The following CNTNAP2 variants were observed in gnomAD, a reference collection of about 807,000 sequenced individuals.
CNTNAP2 encodes the protein contactin associated protein 2.
In CNTNAP2, 98 loss-of-function variants were observed where a neutral mutation model predicts 155.2. The ratio of observed to expected loss-of-function variants is 0.63; its 90% CI spans 0.54 to 0.75. CNTNAP2 has a LOEUF of 0.75. Ranked by LOEUF, CNTNAP2 falls within the 30% of genes least tolerant of loss-of-function variation. The pLI is 0.00. For missense variants in CNTNAP2, 1,727 were observed against 1,688.1 expected, an observed-to-expected ratio of 1.02 and a Z score of -0.40; for synonymous variants, 651 against 631.2, an observed-to-expected ratio of 1.03 and a Z score of -0.47.
intron 3 of CNTNAP2, among the ~76,000 whole-genome samples, chr7:146,859,033 A>G (rs1795046408): frequency 1.3e-5 from 2 of 152,212 alleles, no homozygotes; most frequent in Admixed American, 6.5e-5. Flanking sequence ...TGCTGACACT[A>G]TATGTTGACT....
chr7:146,836,895 C>CTT (rs202139954), intron 2 of CNTNAP2, among the ~76,000 whole-genome samples: 3 of 150,714 alleles, frequency 2.0e-5, no homozygotes, highest in African/African-American at 7.3e-5. Flanking sequence ...AGGTTGCCAG[C>CTT]TTTTTTTTTA....
intron 10 of CNTNAP2, among the ~76,000 whole-genome samples, chr7:147,478,929 A>G (rs1157990452): frequency 1.3e-5 from 2 of 152,226 alleles, no homozygotes; most frequent in Non-Finnish European, 2.9e-5. Flanking sequence ...CTGAAATAGT[A>G]TCCCCTTCTA....
chr7:146,611,632 A>G (rs901752667), intron 1 of CNTNAP2, among the ~76,000 whole-genome samples: 8 of 152,152 alleles, frequency 5.3e-5, no homozygotes, highest in Admixed American at 5.2e-4. Flanking sequence ...CATTTCTTGT[A>G]TATGTTGTAG....
chr7:146,853,014 CTG>C (rs535015461), intron 3 of CNTNAP2, among the ~76,000 whole-genome samples: 155 of 152,232 alleles, frequency 1.0e-3, no homozygotes, highest in African/African-American at 3.3e-3. Flanking sequence ...GAGAAAAAGA[CTG>C]TGAATTTATC....
chr7:146,624,680 C>CT (rs1474224023), intron 1 of CNTNAP2, among the ~76,000 whole-genome samples: 4 of 151,760 alleles, frequency 2.6e-5, no homozygotes, highest in Admixed American at 2.6e-4. Context: ...TCAGTTTGTT[C>CT]TTTTTTCAGT....
intron 16 of CNTNAP2, among the ~76,000 whole-genome samples, chr7:148,122,570 A>G (rs1804622562): frequency 6.6e-6 from 1 of 152,166 alleles, no homozygotes; most frequent in Admixed American, 6.5e-5. Flanking sequence ...CAAGGTGGGC[A>G]CAGATGAGCA....
rs568385200 is a variant in CNTNAP2 at position 147,224,538 on chromosome 7, T to C, written c.1349-75603T>C. On this transcript the variant is annotated intron_variant, in intron 8 of 23. Transcript: ENST00000361727. ...CACTTTCTACCCTTCTTGACTAGAA[T>C]ACTAAAATAATCCAATAATTATTTT... Among the ~76,000 whole-genome samples the C allele has an allele frequency of 2.6e-5, 4 of 152,318 alleles. No individual in the cohort carries two copies. The East Asian group carries it at 7.7e-4, about 29-fold the overall frequency.
At chr7:146,899,384 C>T (rs533467892) in intron 3 of CNTNAP2, among the ~76,000 whole-genome samples, 55 of 152,296 alleles carry the variant, frequency 3.6e-4, no homozygotes, top group African/African-American at 1.2e-3. Context: ...GTCCTCAGCA[C>T]ATTCCAGGTG....
At position 147,977,341 on chromosome 7, in the gene CNTNAP2, T is replaced by C. The variant is rs113519396; in HGVS notation, c.2256-521T>C. 6.2e-3 allele frequency among the ~76,000 whole-genome samples: 942 copies of C among 152,306 alleles called. 14 individuals are homozygous for C. Among genetic ancestry groups the C allele is most frequent in the African/African-American group, 0.022 (897 of 41,568 alleles). On this transcript the variant is annotated intron_variant, in intron 14 of 23. Coordinates refer to ENST00000361727, the MANE Select transcript of CNTNAP2 (RefSeq NM_014141.6). ...AGACACTTATTGAATACCTGTTCTG[T>C]GCTGGAAACTTCACATAAACTGTTC...
chr7:146,818,717 A>T (rs1463238622), intron 2 of CNTNAP2, among the ~76,000 whole-genome samples: 1 of 152,180 alleles, frequency 6.6e-6, no homozygotes, highest in Non-Finnish European at 1.5e-5. Context: ...TGACCACTAA[A>T]TGAAAACTTT....
chr7:147,723,232 A>C (rs563361502), intron 13 of CNTNAP2, among the ~76,000 whole-genome samples: 1 of 152,180 alleles, frequency 6.6e-6, no homozygotes, highest in South Asian at 2.1e-4. Context: ...CTGATCAATG[A>C]AATTCAACTG....
intron 4 of CNTNAP2, among the ~76,000 whole-genome samples, chr7:147,056,081 G>A (rs374597623): frequency 8.7e-4 from 132 of 152,184 alleles, no homozygotes; most frequent in African/African-American, 2.6e-3. Flanking sequence ...TAATATCACC[G>A]TATAGGTTGC....
intron 1 of CNTNAP2, among the ~76,000 whole-genome samples, chr7:146,702,141 G>A (rs910557326): frequency 1.3e-4 from 20 of 152,024 alleles, no homozygotes; most frequent in African/African-American, 4.6e-4. Flanking sequence ...CAAGTCTTAG[G>A]GACAGCACTA....
intron 1 of CNTNAP2, among the ~76,000 whole-genome samples, chr7:146,598,750 T>A (rs1217403451): frequency 1.3e-5 from 2 of 152,082 alleles, no homozygotes; most frequent in Non-Finnish European, 1.5e-5. Flanking sequence ...AATCACTCTT[T>A]AGGTGATCTC....
At chr7:146,218,435 A>G (rs576005219) in intron 1 of CNTNAP2, among the ~76,000 whole-genome samples, 2 of 152,048 alleles carry the variant, frequency 1.3e-5, no homozygotes, top group East Asian at 2.0e-4. Context: ...CGTGAACCTG[A>G]GAGGCGGAGC....
intron 1 of CNTNAP2, among the ~76,000 whole-genome samples, chr7:146,187,982 G>A (rs771455862): frequency 6.6e-6 from 1 of 151,908 alleles, no homozygotes; most frequent in Non-Finnish European, 1.5e-5. Context: ...TCTGAGATTT[G>A]GATAGTTTTA....
chr7:148,067,850 G>T (rs1426510122), intron 15 of CNTNAP2, among the ~76,000 whole-genome samples: 1 of 152,184 alleles, frequency 6.6e-6, no homozygotes, highest in Non-Finnish European at 1.5e-5. Flanking sequence ...TGGCGGTGTG[G>T]TTCTCAGGCC....
chr7:146,117,853 G>A (rs1225602952), intron 1 of CNTNAP2, among the ~76,000 whole-genome samples: 1 of 152,090 alleles, frequency 6.6e-6, no homozygotes, highest in East Asian at 1.9e-4. Flanking sequence ...TTCAGAAAGA[G>A]TTAAACACTA....
At chr7:147,171,137 C>G (rs1401245677) in intron 8 of CNTNAP2, among the ~76,000 whole-genome samples, 1 of 152,174 alleles carries the variant, frequency 6.6e-6, no homozygotes. Flanking sequence ...TCCCAGAAGT[C>G]TGCATGAGCG....
Sources: gnomAD v4.1 joint callset for allele counts (sites outside exome capture counted in the v4.1 genomes callset) on GRCh38, gnomAD v4.1.1 for gene constraint, MANE v1.5 for transcripts, NCBI Gene and HGNC (gene_info 2026-07-23, HGNC 2026-07-21) for gene names.